Variants in BEND4 observed in about 807,000 individuals in gnomAD.
BEND4 encodes the protein BEN domain-containing protein 4.
In BEND4, 27 loss-of-function variants were observed where a neutral mutation model predicts 54.7. The observed-to-expected ratio is 0.49, with a 90% CI of 0.36 to 0.68. The LOEUF is 0.68. Among genes scored for constraint, BEND4 ranks in the 30% least tolerant of loss-of-function variants. The pLI is 0.00. For synonymous variants in BEND4, 327 were observed against 299.5 expected (o/e 1.09, Z -0.95); for missense variants, 702 against 697.2 (o/e 1.01, Z -0.08).
chr4:42,148,276 A>T (rs1721147202), intron 2 of BEND4, among the ~76,000 whole-genome samples: 1 of 152,212 alleles, frequency 6.6e-6, no homozygotes, highest in Non-Finnish European at 1.5e-5. Flanking sequence ...AATTTTTTTC[A>T]TAATGGCAAA....
In BEND4 at chr4:42,117,409, G is replaced by A; in HGVS notation, c.*109C>T. 1.3e-6 allele frequency: 1 copy of A among 780,572 alleles called. No individual in the cohort carries two copies. Among genetic ancestry groups the A allele is most frequent in the Non-Finnish European group, 2.1e-6 (1 of 483,690 alleles). 48.4% of individuals were successfully genotyped at this position (780,572 alleles called of 1,614,324 possible). A position where few individuals can be genotyped will look rare whatever the true frequency, so the allele number is the denominator to read the frequency against. ...TGGGTACTGTGGCAGCTGAGAATGTGTAGACTATGGCAGAATGACAGGCTT... is the reference window on the plus strand; with the variant it reads ...TGGGTACTGTGGCAGCTGAGAATGTATAGACTATGGCAGAATGACAGGCTT... On this transcript the variant is annotated 3_prime_UTR_variant, in exon 6 of 6. Transcript: ENST00000502486.
In BEND4 at chr4:42,115,833, T is replaced by C. The variant is rs1274307095; in HGVS notation, c.*1685A>G. 7.0e-6 allele frequency: 1 copy of C among 143,076 alleles called. No homozygotes were observed. The highest frequency in any genetic ancestry group is 1.5e-5 in the Non-Finnish European group (1 of 67,396). The allele number at this position is 143,076 out of a possible 1,614,324, so 8.9% of individuals were successfully genotyped here. A position where few individuals can be genotyped will look rare whatever the true frequency, so the allele number is the denominator to read the frequency against. ...AATTTGCCCCAAATAGAATTGAATA[T>C]TGGTTCTCCCTATTCCATTGAATGA... is the stretch of plus-strand genomic sequence containing the variant. On this transcript the variant is annotated 3_prime_UTR_variant, in exon 6 of 6. Transcript: ENST00000502486.
intron 4 of BEND4, among the ~76,000 whole-genome samples, chr4:42,125,104 T>C (rs1286632059): frequency 6.6e-6 from 1 of 152,204 alleles, no homozygotes; most frequent in Non-Finnish European, 1.5e-5. Flanking sequence ...ACACACCATT[T>C]CTTCTACAGA....
At chr4:42,133,221 G>C (rs998014416) in intron 3 of BEND4, among the ~76,000 whole-genome samples, 1 of 152,192 alleles carries the variant, frequency 6.6e-6, no homozygotes, top group African/African-American at 2.4e-5. Flanking sequence ...CAGCTGTACT[G>C]TCTAAGCAGC....
At chr4:42,123,694 G>GAAAAAAAAAAAAAAA (rs71664396) in intron 4 of BEND4, among the ~76,000 whole-genome samples, 3 of 50,800 alleles carry the variant, frequency 5.9e-5, no homozygotes, top group African/African-American at 1.5e-4. Context: ...CTGTAATTCA[G>GAAAAAAAAAAAAAAA]AAAAAAAAAA....
Position 42,117,722 on chromosome 4 carries a change from C to A in BEND4, c.1401G>T (p.Met467Ile), listed in dbSNP as rs745415227. The part of the protein sequence containing the change: ...KVTCLREFIR[M>I]HCTSNPDWWM... ...ACCAATCGGGGTTGGAGGTACAATG[C>A]ATCCTAATGAATTCTGCAGGAATAT... Residue 467 changes from methionine (M) to isoleucine (I), a missense_variant, in exon 6 of 6, where the codon ATG (methionine) becomes ATT (isoleucine). Physicochemically the swap from Met to Ile is conservative, Grantham distance 10. Transcript: ENST00000502486. 1 of 1,601,670 alleles carries A rather than the reference C, an allele frequency of 6.2e-7. No individual in the cohort carries two copies. The highest frequency in any genetic ancestry group is 8.5e-7 in the Non-Finnish European group (1 of 1,173,480).
chr4:42,129,489 C>T (rs1199073889), intron 3 of BEND4, among the ~76,000 whole-genome samples: 2 of 151,872 alleles, frequency 1.3e-5, no homozygotes, highest in African/African-American at 4.8e-5. Context: ...GCAAAAAGAA[C>T]ACAACTGGAG....
At chr4:42,149,977 G>C (rs1403495485) in intron 2 of BEND4, among the ~76,000 whole-genome samples, 1 of 152,142 alleles carries the variant, frequency 6.6e-6, no homozygotes, top group African/African-American at 2.4e-5. Flanking sequence ...ACTGACCTGG[G>C]CAGATAGAGG....
intron 3 of BEND4, among the ~76,000 whole-genome samples, chr4:42,129,132 C>T (rs565610554): frequency 6.6e-6 from 1 of 152,110 alleles, no homozygotes; most frequent in East Asian, 1.9e-4. Context: ...TTCCTATACA[C>T]CAATAACAGA....
chr4:42,131,792 TA>T (rs537082844), intron 3 of BEND4, among the ~76,000 whole-genome samples: 2,850 of 144,370 alleles, frequency 0.02, 34 homozygotes, highest in Middle Eastern at 0.046. Flanking sequence ...GGTCAATTGT[TA>T]AAAAAAAAAA....
intron 2 of BEND4, among the ~76,000 whole-genome samples, chr4:42,149,714 T>G (rs1577772167): frequency 7.2e-6 from 1 of 138,886 alleles, no homozygotes; most frequent in Admixed American, 7.2e-5. Flanking sequence ...TAGAACAAGG[T>G]GAGAAAAGGA....
intron 3 of BEND4, among the ~76,000 whole-genome samples, chr4:42,133,571 T>C (rs571370401): frequency 6.6e-6 from 1 of 152,172 alleles, no homozygotes; most frequent in Non-Finnish European, 1.5e-5. Context: ...ACTGGGAAAA[T>C]GGGCGAGGCG....
rs878988010 is a variant in BEND4, at chr4:42,111,549, C to T, written c.*5969G>A. On this transcript the variant is annotated 3_prime_UTR_variant, in exon 6 of 6. Transcript: ENST00000502486. ...AAGTGCAAGCCAGGACCCTCATGGC[C>T]TTGGCATGCTCTTGAACTTAAACAC... The T allele has an allele frequency of 1.3e-5, 2 of 152,276 alleles. No homozygotes were observed. The highest frequency in any genetic ancestry group is 4.1e-4 in the South Asian group (2 of 4,824). 9.4% of individuals were successfully genotyped at this position (152,276 alleles called of 1,614,324 possible).
intron 3 of BEND4, among the ~76,000 whole-genome samples, chr4:42,141,051 T>A (rs924374197): frequency 8.3e-4 from 126 of 152,178 alleles, no homozygotes; most frequent in African/African-American, 2.9e-3. Context: ...GCTGCAACCA[T>A]GTCTCGGACT....
intron 2 of BEND4, among the ~76,000 whole-genome samples, chr4:42,145,689 C>CAA (rs5857833): frequency 2.6e-4 from 27 of 104,874 alleles, no homozygotes; most frequent in East Asian, 9.6e-4. Flanking sequence ...GACTCCATCT[C>CAA]AAAAAAAAAA....
At chr4:42,151,313 A>C in intron 2 of BEND4, 1 of 205,598 alleles carries the variant, frequency 4.9e-6, no homozygotes, top group African/African-American at 2.4e-5. Flanking sequence ...GAGAAGCTCC[A>C]GCTTCTTCCC....
At chr4:42,135,130 C>A (rs1720652870) in intron 3 of BEND4, among the ~76,000 whole-genome samples, 1 of 152,126 alleles carries the variant, frequency 6.6e-6, no homozygotes, top group Non-Finnish European at 1.5e-5. Context: ...ACTCTTGCAA[C>A]AGCTCCAGTT....
Position 42,152,384 on chromosome 4 carries a change from G to T in BEND4, c.-233-8C>A. 1 of 294,890 alleles carries T rather than the reference G, an allele frequency of 3.4e-6. No individual in the cohort carries two copies. The highest frequency in any genetic ancestry group is 6.3e-6 in the Non-Finnish European group (1 of 159,826). The allele number at this position is 294,890 out of a possible 1,614,324, so 18.3% of individuals were successfully genotyped here. The stretch of plus-strand genomic sequence containing the variant: ...AGGCTGCCTCGCCAATGCCTGGAGG[G>T]AGAAAGGAGGTAAAGAGCAAGTGTT... On this transcript the variant is annotated splice_polypyrimidine_tract_variant and splice_region_variant and intron_variant, in intron 1 of 5. Coordinates refer to ENST00000502486, the MANE Select transcript of BEND4 (RefSeq NM_207406.4).
chr4:42,130,579 C>G (rs1217332944), intron 3 of BEND4, among the ~76,000 whole-genome samples: 1 of 151,870 alleles, frequency 6.6e-6, no homozygotes, highest in Non-Finnish European at 1.5e-5. Flanking sequence ...GCTGGCGAGG[C>G]TGTGGAGAAA....
Sources: gnomAD v4.1 joint callset for allele counts (sites outside exome capture counted in the v4.1 genomes callset) on GRCh38, gnomAD v4.1.1 for gene constraint, MANE v1.5 for transcripts, NCBI Gene and HGNC (gene_info 2026-07-23, HGNC 2026-07-21) for gene names.